Variants in BANP observed in about 807,000 individuals in gnomAD.
The protein encoded by BANP is protein BANP.
Under a neutral mutation model 68.1 loss-of-function variants are expected in BANP, and 11 were observed. The observed-to-expected ratio is 0.16, with a 90% CI of 0.10 to 0.27. The LOEUF (loss-of-function observed/expected upper bound fraction) is 0.27. Ranked by LOEUF, BANP falls within the 10% of genes least tolerant of loss-of-function variation. BANP has a pLI of 1.00. For missense variants in BANP, 504 were observed against 722.7 expected, an observed-to-expected ratio of 0.70 and a Z score of 3.47; for synonymous variants, 329 against 303.2, an observed-to-expected ratio of 1.09 and a Z score of -0.88.
intron 1 of BANP, among the ~76,000 whole-genome samples, chr16:87,970,987 G>A (rs1264351634): frequency 1.4e-5 from 2 of 146,724 alleles, no homozygotes; most frequent in South Asian, 2.1e-4. Flanking sequence ...ACTGCACTCT[G>A]GCCTGGGCAA....
chr16:88,015,711 C>G (rs2074381986), intron 6 of BANP, among the ~76,000 whole-genome samples: 1 of 152,258 alleles, frequency 6.6e-6, no homozygotes, highest in South Asian at 2.1e-4. Flanking sequence ...GGGCCGAGGT[C>G]TCGCGCTCCA....
chr16:88,062,959 G>A (rs927039719), intron 11 of BANP, among the ~76,000 whole-genome samples: 3 of 152,310 alleles, frequency 2.0e-5, no homozygotes, highest in South Asian at 2.1e-4. Flanking sequence ...GGACCCTGGC[G>A]TGACCTCATT....
In BANP at chr16:88,027,805, G is replaced by A. The variant is rs189544423; in HGVS notation, c.1063+155G>A. Among the ~76,000 whole-genome samples, 10 of 152,358 alleles carry A rather than the reference G, an allele frequency of 6.6e-5. No homozygotes were observed. The South Asian group carries it at 1.4e-3, about 22-fold the overall frequency. On this transcript the variant is annotated intron_variant, in intron 8 of 13. Coordinates refer to ENST00000682872, the MANE Select transcript of BANP (RefSeq NM_001386991.1). Reference sequence around the variant, plus strand: ...GCGGTGCGCACGGAGCAGTGGAGCCGCAGGACCTGTGCCTGGCCCCGTGCG... The same window carrying A: ...GCGGTGCGCACGGAGCAGTGGAGCCACAGGACCTGTGCCTGGCCCCGTGCG...
chr16:88,045,538 A>G (rs11641065), intron 11 of BANP, among the ~76,000 whole-genome samples: 71,576 of 152,008 alleles, frequency 0.47, 20,029 homozygotes, highest in Non-Finnish European at 0.65. Flanking sequence ...GTCGAACATA[A>G]CATGCTGGAC....
chr16:88,048,072 G>T (rs2082407060), intron 11 of BANP, among the ~76,000 whole-genome samples: 1 of 152,220 alleles, frequency 6.6e-6, no homozygotes, highest in African/African-American at 2.4e-5. Context: ...CCTCTGACTT[G>T]TGTGGCTTCC....
intron 7 of BANP, 79 bp from the exon 8 acceptor site, chr16:88,027,404 C>A: frequency 6.5e-7 from 1 of 1,542,838 alleles, no homozygotes; most frequent in Non-Finnish European, 8.9e-7. Flanking sequence ...CTTCAGCGGG[C>A]CCCGGCCCTG....
rs1285342288 is a variant in BANP, at chr16:88,004,940, G to C, written c.479+529G>C. 1.3e-5 allele frequency among the ~76,000 whole-genome samples: 2 copies of C among 152,334 alleles called. No individual in the cohort carries two copies. The highest frequency in any genetic ancestry group is 2.1e-4 in the South Asian group (1 of 4,832). The stretch of plus-strand genomic sequence containing the variant: ...GGGGAAGGCTGTGCAGTGGCCTCTG[G>C]CTGGCATCCAAGCCCTGCTGTCCCC... On this transcript the variant is annotated intron_variant, in intron 5 of 13. Coordinates refer to ENST00000682872, the MANE Select transcript of BANP (RefSeq NM_001386991.1). This position sits in a 1 kb window ranked among gnomAD's most constrained non-coding sequence, Gnocchi z 7.0.
chr16:87,995,162 G>A (rs1351674025), intron 4 of BANP, among the ~76,000 whole-genome samples: 3 of 152,236 alleles, frequency 2.0e-5, no homozygotes, highest in Admixed American at 6.5e-5. Context: ...CCACAGGGCC[G>A]TGTGTGCGCA....
chr16:87,975,924 GGT>G (rs1567634755), intron 2 of BANP, among the ~76,000 whole-genome samples: 1 of 110,976 alleles, frequency 9.0e-6, no homozygotes, highest in Non-Finnish European at 1.9e-5. Context: ...CTTACCATGT[GGT>G]GTGTGTAATC....
At chr16:87,996,920 T>C (rs1021513715) in intron 4 of BANP, among the ~76,000 whole-genome samples, 4 of 152,246 alleles carry the variant, frequency 2.6e-5, no homozygotes, top group African/African-American at 4.8e-5. Context: ...TGGTTTTGCA[T>C]GTACTTGGAC....
upstream of BANP, chr16:87,949,252 G>C: frequency 6.6e-6 from 1 of 152,176 alleles, no homozygotes; most frequent in East Asian, 1.9e-4. Flanking sequence ...ACGGACTTGG[G>C]AATGTTTTGA....
chr16:87,974,687 C>T (rs544625364), intron 1 of BANP, among the ~76,000 whole-genome samples: 10 of 152,080 alleles, frequency 6.6e-5, no homozygotes, highest in East Asian at 3.9e-4. Flanking sequence ...GAGCAGGAAG[C>T]GACAGAGCGT....
chr16:88,004,519 T>G lies in BANP; in HGVS notation c.479+108T>G. On this transcript the variant is annotated intron_variant, in intron 5 of 13. Coordinates refer to ENST00000682872, the MANE Select transcript of BANP (RefSeq NM_001386991.1). The surrounding 1 kb of genome is among the most constrained non-coding windows in gnomAD (Gnocchi z 7.0). ...CACAGTCCAGCACACGCTTCATCTC[T>G]GTGGTCACAGGGTTGAGCCTGGCAG... 3.0e-6 allele frequency: 2 copies of G among 659,642 alleles called. No individual in the cohort carries two copies. Among genetic ancestry groups the G allele is most frequent in the Non-Finnish European group, 5.1e-6 (2 of 393,448 alleles). 40.9% of individuals were successfully genotyped at this position (659,642 alleles called of 1,614,324 possible). A position where few individuals can be genotyped will look rare whatever the true frequency, so the allele number is the denominator to read the frequency against.
chr16:88,061,504 A>G (rs1311151087), intron 11 of BANP, among the ~76,000 whole-genome samples: 1 of 152,182 alleles, frequency 6.6e-6, no homozygotes, highest in African/African-American at 2.4e-5. Flanking sequence ...AGCATTAGAA[A>G]TGGAATTTAA....
At chr16:87,954,764 A>G (rs1331144939) in intron 1 of BANP, among the ~76,000 whole-genome samples, 8 of 152,062 alleles carry the variant, frequency 5.3e-5, no homozygotes, top group Non-Finnish European at 8.8e-5. Flanking sequence ...ATCTGTCAGG[A>G]GTGTGTTCTT....
chr16:87,991,618 A>G (rs950252458), intron 4 of BANP, among the ~76,000 whole-genome samples: 7 of 152,340 alleles, frequency 4.6e-5, no homozygotes, highest in African/African-American at 1.7e-4. Context: ...ATATTTTGTT[A>G]CATTTATCTC....
Position 88,064,698 on chromosome 16 carries a change from T to G in BANP, c.1312-569T>G, listed in dbSNP as rs1341272570. On this transcript the variant is annotated intron_variant, in intron 11 of 13. Coordinates refer to ENST00000682872, the MANE Select transcript of BANP (RefSeq NM_001386991.1). This position sits in a 1 kb window ranked among gnomAD's most constrained non-coding sequence, Gnocchi z 4.5. ...TTTTGCCAGACACAAGAGGCTCCTG[T>G]GGAGCTCTCATGGCTGGCAGTGCCA... Among the ~76,000 whole-genome samples the G allele has an allele frequency of 3.9e-5, 6 of 152,334 alleles. No homozygotes were observed. The highest frequency in any genetic ancestry group is 1.4e-4 in the African/African-American group (6 of 41,590).
At position 88,071,429 on chromosome 16, in the gene BANP, TC is replaced by T. The variant is rs1567943308; in HGVS notation, c.1378-635del. The T allele has an allele frequency of 2.2e-6, 1 of 455,762 alleles. No individual in the cohort carries two copies. The highest frequency in any genetic ancestry group is 1.5e-5 in the South Asian group (1 of 64,518). 28.2% of individuals were successfully genotyped at this position (455,762 alleles called of 1,614,324 possible). A position where few individuals can be genotyped will look rare whatever the true frequency, so the allele number is the denominator to read the frequency against. On this transcript the variant is annotated intron_variant, in intron 12 of 13. Transcript: ENST00000682872. The surrounding 1 kb of genome is among the most constrained non-coding windows in gnomAD (Gnocchi z 6.5). ...AGAGCCCACCCAGGGGCCTCGCCTG[TC>T]CCCCATTCTCATTCCATACTCTGGG...
At chr16:87,970,534 G>A (rs1016698156) in intron 1 of BANP, among the ~76,000 whole-genome samples, 2 of 152,204 alleles carry the variant, frequency 1.3e-5, no homozygotes, top group African/African-American at 2.4e-5. Context: ...TAGAAAGGCA[G>A]AATAAATGCT....
Sources: allele counts gnomAD v4.1 joint callset (sites outside exome capture counted in the v4.1 genomes callset), GRCh38; gene constraint gnomAD v4.1.1; non-coding constraint Gnocchi (gnomAD v3.1); transcripts MANE v1.5; gene names NCBI Gene and HGNC (gene_info 2026-07-23, HGNC 2026-07-21).